The following TMEM182 variants were observed in gnomAD, a reference collection of about 807,000 sequenced individuals.
The protein encoded by TMEM182 is transmembrane protein 182.
A neutral mutation model predicts 26.8 loss-of-function variants in TMEM182; 20 were observed. The observed-to-expected ratio is 0.75, with a 90% CI of 0.53 to 1.09. The LOEUF is 1.09. Ranked by LOEUF, TMEM182 falls within the 50% of genes least tolerant of loss-of-function variation. TMEM182 has a pLI of 0.00. For missense variants in TMEM182, 277 were observed against 275.5 expected (o/e 1.01, Z -0.04); for synonymous variants, 109 against 102.2 (o/e 1.07, Z -0.40).
chr2:102,758,130 G>C (rs1362194274), upstream of TMEM182, among the ~76,000 whole-genome samples: 12 of 152,280 alleles, frequency 7.9e-5, no homozygotes, highest in South Asian at 1.9e-3. Context: ...TAGATACATA[G>C]ACTAGCAATG....
chr2:102,791,999 G>T (rs1681662784), intron 3 of TMEM182, among the ~76,000 whole-genome samples: 1 of 149,414 alleles, frequency 6.7e-6, no homozygotes, highest in African/African-American at 2.5e-5. Context: ...TATAAAATTT[G>T]ATATATACCT....
At chr2:102,842,349 G>T (rs775925775) in intron 3 of TMEM182, among the ~76,000 whole-genome samples, 1 of 152,016 alleles carries the variant, frequency 6.6e-6, no homozygotes, top group Non-Finnish European at 1.5e-5. Context: ...ACTATCTTCC[G>T]TATCTAAACA....
intron 3 of TMEM182, among the ~76,000 whole-genome samples, chr2:102,774,403 A>C (rs1334451516): frequency 1.3e-5 from 2 of 150,708 alleles, no homozygotes; most frequent in African/African-American, 4.9e-5. Flanking sequence ...TTACAGGTGC[A>C]TGCCACCATG....
intron 1 of TMEM182, among the ~76,000 whole-genome samples, chr2:102,750,845 A>G (rs1193114936): frequency 6.6e-6 from 1 of 152,190 alleles, no homozygotes; most frequent in Non-Finnish European, 1.5e-5. Context: ...TAGGACTGCC[A>G]CAACAAAATA....
chr2:102,743,112 A>T (rs1174651382), intron 1 of TMEM182, among the ~76,000 whole-genome samples: 1 of 152,234 alleles, frequency 6.6e-6, no homozygotes, highest in Non-Finnish European at 1.5e-5. Context: ...ATGAAAATAA[A>T]TGTAATGAAT....
chr2:102,784,032 G>A (rs1208003375), intron 3 of TMEM182, among the ~76,000 whole-genome samples: 1 of 152,020 alleles, frequency 6.6e-6, no homozygotes, highest in East Asian at 1.9e-4. Flanking sequence ...ATTCTGAACC[G>A]GCCAAGTATT....
At chr2:102,822,057 T>A (rs1203569062), downstream of TMEM182, among the ~76,000 whole-genome samples, 3 of 151,548 alleles carry the variant, frequency 2.0e-5, no homozygotes, top group Non-Finnish European at 1.5e-5. Context: ...TACCCTGATA[T>A]GATAATTGCA....
At chr2:102,773,099 C>T (rs1268000808) in intron 3 of TMEM182, among the ~76,000 whole-genome samples, 1 of 152,070 alleles carries the variant, frequency 6.6e-6, no homozygotes, top group African/African-American at 2.4e-5. Flanking sequence ...CAAGATATGC[C>T]ACTCTTTAGC....
At chr2:102,786,443 G>A (rs1681400087) in intron 3 of TMEM182, among the ~76,000 whole-genome samples, 1 of 152,120 alleles carries the variant, frequency 6.6e-6, no homozygotes, top group South Asian at 2.1e-4. Context: ...TTGAACTCCT[G>A]ACCTCGTGAT....
rs181455014 is a variant in TMEM182, at chr2:102,807,469, A to C, written c.470-7279A>C. ...GGGAAAACAATAGCATACTAATGTAAAGAAGAGCAAACTAATTTTTCAAAA... is the reference window on the plus strand; with the variant it reads ...GGGAAAACAATAGCATACTAATGTACAGAAGAGCAAACTAATTTTTCAAAA... On this transcript the variant is annotated intron_variant, in intron 4 of 4. Coordinates refer to ENST00000412401, the MANE Select transcript of TMEM182 (RefSeq NM_144632.5). 6.6e-5 allele frequency among the ~76,000 whole-genome samples: 10 copies of C among 152,348 alleles called. No individual in the cohort carries two copies. In the East Asian group the frequency reaches 1.7e-3, roughly 26 times the overall value.
Position 102,816,761 on chromosome 2 carries a change from G to T in TMEM182, c.*1793G>T. On this transcript the variant is annotated 3_prime_UTR_variant, in exon 5 of 5. Transcript: ENST00000412401. ...TGGCATGCCATTAAGTTTTCCAGAC[G>T]ATGTTGGATGTATCTGATTAGTTCA... is the stretch of plus-strand genomic sequence containing the variant. The T allele has an allele frequency of 1.0e-6, 1 of 985,744 alleles. No homozygotes were observed. The allele number at this position is 985,744 out of a possible 1,614,324, so 61.1% of individuals were successfully genotyped here. A position where few individuals can be genotyped will look rare whatever the true frequency, so the allele number is the denominator to read the frequency against.
downstream of TMEM182, among the ~76,000 whole-genome samples, chr2:102,820,164 C>G (rs1219048256): frequency 6.6e-6 from 1 of 152,160 alleles, no homozygotes; most frequent in African/African-American, 2.4e-5. Context: ...AAGGGAGGTT[C>G]CTAGGGTGTT....
intron 1 of TMEM182, 33 bp downstream of exon 1, chr2:102,762,382 G>A: frequency 6.2e-7 from 1 of 1,612,038 alleles, no homozygotes; most frequent in Non-Finnish European, 8.5e-7. Flanking sequence ...TGATGCACAT[G>A]GTAGTTATGA....
At chr2:102,740,123 C>A (rs1412752446) in intron 1 of TMEM182, among the ~76,000 whole-genome samples, 8 of 152,270 alleles carry the variant, frequency 5.3e-5, no homozygotes, top group African/African-American at 1.7e-4. Context: ...TGACCATTCT[C>A]ATTTATGGTG....
At chr2:102,840,719 G>A (rs1683334205) in intron 3 of TMEM182, among the ~76,000 whole-genome samples, 1 of 152,184 alleles carries the variant, frequency 6.6e-6, no homozygotes, top group South Asian at 2.1e-4. Flanking sequence ...CCTGAGATAG[G>A]GGGAGTTAGA....
intron 3 of TMEM182, among the ~76,000 whole-genome samples, chr2:102,829,663 C>T (rs1158987122): frequency 6.6e-6 from 1 of 152,130 alleles, no homozygotes; most frequent in Non-Finnish European, 1.5e-5. Context: ...AAGCCTCCCA[C>T]ACAGAGAGTA....
Position 102,814,744 on chromosome 2 carries a change from T to A in TMEM182, c.470-4T>A, listed in dbSNP as rs751660905. 4.3e-6 allele frequency: 7 copies of A among 1,611,752 alleles called. No homozygotes were observed. Among genetic ancestry groups the A allele is most frequent in the Non-Finnish European group, 5.9e-6 (7 of 1,178,586 alleles). On this transcript the variant is annotated splice_polypyrimidine_tract_variant and splice_region_variant and intron_variant, in intron 4 of 4. Coordinates refer to ENST00000412401, the MANE Select transcript of TMEM182 (RefSeq NM_144632.5). The stretch of plus-strand genomic sequence containing the variant: ...CTAACAGTCTTCTGTTTCATCCTTC[T>A]CAGGCATCCTATTTTCATTGGTGGT...
downstream of TMEM182, among the ~76,000 whole-genome samples, chr2:102,818,747 T>TATCTATCTATC (rs1212849602): frequency 7.5e-6 from 1 of 132,592 alleles, no homozygotes; most frequent in Non-Finnish European, 1.6e-5. Context: ...TATTTAATCC[T>TATCTATCTATC]ATCTATCTAT....
chr2:102,824,294 A>G (rs939553129), intron 3 of TMEM182, among the ~76,000 whole-genome samples: 2 of 152,090 alleles, frequency 1.3e-5, no homozygotes, highest in African/African-American at 4.8e-5. Flanking sequence ...ACCTGTCCTC[A>G]GTGATTGTTT....
Sources: allele counts gnomAD v4.1 joint callset (sites outside exome capture counted in the v4.1 genomes callset), GRCh38; gene constraint gnomAD v4.1.1; transcripts MANE v1.5; gene names NCBI Gene and HGNC (gene_info 2026-07-23, HGNC 2026-07-21).